HECW1: variants seen among roughly 807,000 people sequenced by gnomAD.
HECW1 encodes the protein HECT, C2 and WW domain containing E3 ubiquitin protein ligase 1.
In HECW1, 61 loss-of-function variants were observed where a neutral mutation model predicts 182.3. That is an observed-to-expected ratio of 0.33 (90% CI 0.27 to 0.41). The LOEUF is 0.41. HECW1 is among the 10% of genes least tolerant of loss of function. The probability of loss-of-function intolerance (pLI) is 1.00; values close to 1 mark genes in which losing one functional copy is unlikely to be tolerated. For synonymous variants in HECW1, 859 were observed against 832.6 expected, an observed-to-expected ratio of 1.03 and a Z score of -0.55; for missense variants, 1,739 against 2,108.9, an observed-to-expected ratio of 0.82 and a Z score of 3.44.
Position 43,213,321 on chromosome 7 carries a change from T to A in HECW1, c.-31-30554T>A, listed in dbSNP as rs373708317. ...TCATGATAAGAGACTTTATCATAAA[T>A]GACATGTGCTTATTTTGTTTGGATC... is the stretch of plus-strand genomic sequence containing the variant. On this transcript the variant is annotated intron_variant, in intron 2 of 29. Transcript: ENST00000395891. Among the ~76,000 whole-genome samples the A allele has an allele frequency of 3.7e-4, 56 of 152,262 alleles. No individual in the cohort carries two copies. In the South Asian group the frequency reaches 0.011, roughly 30 times the overall value.
intron 2 of HECW1, among the ~76,000 whole-genome samples, chr7:43,123,796 G>T (rs1011056324): frequency 6.6e-6 from 1 of 152,158 alleles, no homozygotes. Flanking sequence ...CCTTCCAACC[G>T]GGTGGGCTGT....
intron 3 of HECW1, among the ~76,000 whole-genome samples, chr7:43,294,907 C>A (rs112097930): frequency 3.0e-4 from 46 of 151,988 alleles, no homozygotes; most frequent in Non-Finnish European, 5.9e-4. Flanking sequence ...TTTAGGGAGA[C>A]GTGAGACTTC....
intron 5 of HECW1, among the ~76,000 whole-genome samples, chr7:43,338,597 G>A (rs565187210): frequency 6.6e-6 from 1 of 152,202 alleles, no homozygotes; most frequent in East Asian, 1.9e-4. Flanking sequence ...TTTCCTCTAA[G>A]CAGTTTTTAT....
intron 15 of HECW1, among the ~76,000 whole-genome samples, chr7:43,468,525 CTTT>C: frequency 6.9e-6 from 1 of 145,864 alleles, no homozygotes. Context: ...TGCACATTCA[CTTT>C]TTTTTTTTTT....
intron 29 of HECW1, among the ~76,000 whole-genome samples, chr7:43,556,672 AGT>A (rs1420068614): frequency 6.6e-6 from 1 of 151,334 alleles, no homozygotes; most frequent in Non-Finnish European, 1.5e-5. Flanking sequence ...TGGGCAACAG[AGT>A]GAGACCTTGT....
intron 6 of HECW1, among the ~76,000 whole-genome samples, chr7:43,394,390 T>C (rs1019076647): frequency 5.3e-5 from 8 of 152,184 alleles, no homozygotes; most frequent in African/African-American, 2.4e-5. Flanking sequence ...ATGCCAGGGA[T>C]TTATTCTAGG....
intron 6 of HECW1, among the ~76,000 whole-genome samples, chr7:43,390,119 C>T (rs2074961488): frequency 6.6e-6 from 1 of 152,136 alleles, no homozygotes; most frequent in Non-Finnish European, 1.5e-5. Flanking sequence ...TTTCCAACCC[C>T]TCTCTTTTTC....
intron 29 of HECW1, 117 bp from the exon 30 acceptor site, chr7:43,561,698 A>G (rs2082212834): frequency 1.5e-6 from 1 of 670,412 alleles, no homozygotes; most frequent in African/African-American, 1.8e-5. Context: ...GTGGTCCTAA[A>G]TCATGGTCCT....
chr7:43,544,039 C>T (rs11764295), intron 26 of HECW1, among the ~76,000 whole-genome samples: 23,720 of 152,020 alleles, frequency 0.16, 2,179 homozygotes, highest in East Asian at 0.34. Flanking sequence ...TAAATTCCAG[C>T]TGGATCAGAA....
At chr7:43,476,297 C>G (rs1041579683) in intron 16 of HECW1, among the ~76,000 whole-genome samples, 2 of 152,040 alleles carry the variant, frequency 1.3e-5, no homozygotes, top group African/African-American at 4.8e-5. Context: ...TATTAAATAC[C>G]TATAAATTAT....
chr7:43,274,367 A>T, intron 3 of HECW1: 1 of 664,072 alleles, frequency 1.5e-6, no homozygotes, highest in South Asian at 1.8e-5. Flanking sequence ...GTGTTTGAGA[A>T]GGTCCCCCTG....
At chr7:43,502,838 T>C (rs1048510678) in intron 21 of HECW1, among the ~76,000 whole-genome samples, 3 of 152,168 alleles carry the variant, frequency 2.0e-5, no homozygotes, top group Admixed American at 2.0e-4. Context: ...GTTTGAAACA[T>C]GTAGGAACAT....
At chr7:43,338,960 C>T (rs1329100134) in intron 5 of HECW1, among the ~76,000 whole-genome samples, 3 of 152,080 alleles carry the variant, frequency 2.0e-5, no homozygotes, top group African/African-American at 4.8e-5. Flanking sequence ...ATATATATAG[C>T]GGGAACTCAA....
intron 2 of HECW1, among the ~76,000 whole-genome samples, chr7:43,169,860 A>G (rs62458214): frequency 0.09 from 13,643 of 151,828 alleles, 667 homozygotes; most frequent in Middle Eastern, 0.1. Flanking sequence ...CATGATGCCA[A>G]TTCCCCACCC....
At chr7:43,382,016 C>T (rs2074572604) in intron 6 of HECW1, among the ~76,000 whole-genome samples, 1 of 152,068 alleles carries the variant, frequency 6.6e-6, no homozygotes, top group Non-Finnish European at 1.5e-5. Flanking sequence ...AAAATAGAAG[C>T]CCCTCACGCC....
intron 24 of HECW1, among the ~76,000 whole-genome samples, chr7:43,530,759 A>G (rs528061285): frequency 3.1e-4 from 47 of 152,276 alleles, no homozygotes; most frequent in Non-Finnish European, 4.9e-4. Context: ...TCTTCCTGTC[A>G]TCCTTCTCTT....
chr7:43,183,932 T>C (rs1793105293), intron 2 of HECW1, among the ~76,000 whole-genome samples: 1 of 151,682 alleles, frequency 6.6e-6, no homozygotes, highest in Non-Finnish European at 1.5e-5. Flanking sequence ...ATTAACATTT[T>C]CTTCATCACT....
At chr7:43,359,147 G>T (rs1466256527) in intron 5 of HECW1, among the ~76,000 whole-genome samples, 1 of 152,090 alleles carries the variant, frequency 6.6e-6, no homozygotes, top group Non-Finnish European at 1.5e-5. Context: ...ACCTAAAGAA[G>T]ACTACTGTAA....
chr7:43,489,912 A>G (rs964434586), intron 17 of HECW1, among the ~76,000 whole-genome samples: 10 of 152,302 alleles, frequency 6.6e-5, no homozygotes, highest in African/African-American at 1.7e-4. Flanking sequence ...ACTTTGTAGC[A>G]CTGGTCCTCA....
Sources: allele counts gnomAD v4.1 joint callset (sites outside exome capture counted in the v4.1 genomes callset), GRCh38; gene constraint gnomAD v4.1.1; transcripts MANE v1.5; gene names NCBI Gene and HGNC (gene_info 2026-07-23, HGNC 2026-07-21).